USP34: variants seen among roughly 807,000 people sequenced by gnomAD.
The protein encoded by USP34 is ubiquitin specific peptidase 34.
USP34 carries 70 observed loss-of-function variants against 460.3 expected under a neutral mutation model. That is an observed-to-expected ratio of 0.15 (90% CI 0.13 to 0.19). USP34 has a LOEUF of 0.19. Among genes scored for constraint, USP34 ranks in the 10% least tolerant of loss-of-function variants. The pLI, the probability that USP34 is intolerant of heterozygous loss-of-function variation, is 1.00. For synonymous variants in USP34, 1,647 were observed against 1,405.3 expected (o/e 1.17, Z -3.85); for missense variants, 3,985 against 4,236.2 (o/e 0.94, Z 1.65).
At chr2:61,355,751 G>C (rs1692083422) in intron 10 of USP34, among the ~76,000 whole-genome samples, 1 of 152,096 alleles carries the variant, frequency 6.6e-6, no homozygotes, top group Admixed American at 6.5e-5. Flanking sequence ...ACACAAGTTT[G>C]TCCCTCTTTA....
chr2:61,366,088 G>A (rs1010177773), intron 10 of USP34, among the ~76,000 whole-genome samples: 44 of 152,186 alleles, frequency 2.9e-4, no homozygotes, highest in Non-Finnish European at 1.2e-4. Flanking sequence ...GCCATGCCTG[G>A]CTAATTTTTG....
chr2:61,452,363 C>A (rs1200477879), intron 1 of USP34, among the ~76,000 whole-genome samples: 1 of 122,420 alleles, frequency 8.2e-6, no homozygotes, highest in Non-Finnish European at 1.6e-5. Flanking sequence ...CTCACTCTGT[C>A]ACCCAGGCTA....
intron 69 of USP34, 111 bp downstream of exon 69, chr2:61,211,661 G>C (rs1687276171): frequency 8.7e-7 from 1 of 1,155,446 alleles, no homozygotes; most frequent in African/African-American, 1.6e-5. Flanking sequence ...GTTCCAAAGT[G>C]GCTACATGCA....
intron 20 of USP34, among the ~76,000 whole-genome samples, chr2:61,327,054 G>A (rs1265742158): frequency 1.3e-5 from 2 of 151,934 alleles, no homozygotes; most frequent in African/African-American, 2.4e-5. Flanking sequence ...CCAAAGTGCT[G>A]GGATTTCAGG....
At position 61,187,795 on chromosome 2, in the gene USP34, T is replaced by A; in HGVS notation, c.*307A>T. 1 of 809,302 alleles carries A rather than the reference T, an allele frequency of 1.2e-6. No individual in the cohort carries two copies. Among genetic ancestry groups the A allele is most frequent in the Non-Finnish European group, 1.6e-6 (1 of 625,252 alleles). The allele number at this position is 809,302 out of a possible 1,614,324, so 50.1% of individuals were successfully genotyped here. A position where few individuals can be genotyped will look rare whatever the true frequency, so the allele number is the denominator to read the frequency against. On this transcript the variant is annotated 3_prime_UTR_variant, in exon 80 of 80. Coordinates refer to ENST00000398571, the MANE Select transcript of USP34 (RefSeq NM_014709.4). ...CAGTAAAAATGCTGTAAGTTTAAATTACATTGTACAGGGCTAGGCAACCCT... is the reference window on the plus strand; with the variant it reads ...CAGTAAAAATGCTGTAAGTTTAAATAACATTGTACAGGGCTAGGCAACCCT...
chr2:61,419,092 A>T (rs1228472092), intron 2 of USP34, among the ~76,000 whole-genome samples: 1 of 152,222 alleles, frequency 6.6e-6, no homozygotes, highest in African/African-American at 2.4e-5. Flanking sequence ...CCAATGAGGA[A>T]ATGAGAGTTT....
chr2:61,350,319 G>C lies in USP34; in HGVS notation c.1448C>G (p.Ser483Cys). The C allele has an allele frequency of 6.2e-7, 1 of 1,613,442 alleles. No homozygotes were observed. The highest frequency in any genetic ancestry group is 8.5e-7 in the Non-Finnish European group (1 of 1,179,622). ...NNALAAKAQLSKQSSFASLLN... is the reference protein window; with the variant it reads ...NNALAAKAQLCKQSSFASLLN... ...TAAAGATGCAAAAGAACTCTGTTTA[G>C]ATAACTGAGCCTTAGCTGCTAGTGC... The change falls in exon 12 of 80, where the codon TCT (serine) becomes TGT (cysteine). Residue 483 changes from serine to cysteine, a missense_variant. Transcript: ENST00000398571.
chr2:61,301,482 ATT>A, intron 27 of USP34, 28 bp from the exon 28 acceptor site: 1 of 1,591,296 alleles, frequency 6.3e-7, no homozygotes, highest in Non-Finnish European at 8.6e-7. Flanking sequence ...ATGGAAATGA[ATT>A]TGTTTTTAAG....
intron 49 of USP34, 130 bp downstream of exon 49, chr2:61,248,379 TTG>T: frequency 3.6e-6 from 3 of 839,604 alleles, no homozygotes; most frequent in Non-Finnish European, 5.3e-6. Context: ...ATGCATGACA[TTG>T]TCTTAACCTT....
chr2:61,386,766 G>C (rs529040306), intron 5 of USP34, among the ~76,000 whole-genome samples: 1 of 152,202 alleles, frequency 6.6e-6, no homozygotes, highest in South Asian at 2.1e-4. Flanking sequence ...CTCCAGCCTG[G>C]CAACAGAGCG....
In USP34 at chr2:61,210,424, G is replaced by A. The variant is rs959737904; in HGVS notation, c.8840+1348C>T. ...TAGTAACATGCTATACAGATTTAGAGCCTAGGAACAGTTGGCTATACCATA... is the reference window on the plus strand; with the variant it reads ...TAGTAACATGCTATACAGATTTAGAACCTAGGAACAGTTGGCTATACCATA... On this transcript the variant is annotated intron_variant, in intron 69 of 79. Coordinates refer to ENST00000398571, the MANE Select transcript of USP34 (RefSeq NM_014709.4). Among the ~76,000 whole-genome samples, 3 of 152,302 alleles carry A rather than the reference G, an allele frequency of 2.0e-5. No homozygotes were observed. In the East Asian group the frequency reaches 5.8e-4, roughly 29 times the overall value.
chr2:61,258,350 CA>C (rs1688777360), intron 44 of USP34, among the ~76,000 whole-genome samples: 1 of 151,986 alleles, frequency 6.6e-6, no homozygotes, highest in African/African-American at 2.4e-5. Context: ...CAAAAATACA[CA>C]AAGAAGTATG....
At chr2:61,324,067 C>T (rs1285108102) in intron 21 of USP34, among the ~76,000 whole-genome samples, 1 of 152,100 alleles carries the variant, frequency 6.6e-6, no homozygotes, top group Admixed American at 6.5e-5. Flanking sequence ...AGCCATCAGG[C>T]TGACAATATA....
At chr2:61,227,343 C>T in intron 61 of USP34, 125 bp from the exon 62 acceptor site, 2 of 1,056,046 alleles carry the variant, frequency 1.9e-6, no homozygotes, top group Admixed American at 2.7e-5. Context: ...AACAACTGCA[C>T]AAAGACCTAA....
chr2:61,212,956 T>C (rs1264442088), intron 68 of USP34, among the ~76,000 whole-genome samples: 2 of 152,184 alleles, frequency 1.3e-5, no homozygotes, highest in African/African-American at 2.4e-5. Flanking sequence ...GATTGATATT[T>C]TGTATTCTTA....
At chr2:61,401,319 G>C (rs1432793475) in intron 3 of USP34, among the ~76,000 whole-genome samples, 1 of 151,676 alleles carries the variant, frequency 6.6e-6, no homozygotes, top group Non-Finnish European at 1.5e-5. Flanking sequence ...ACTCACTGCA[G>C]CTTTGACCTC....
chr2:61,348,286 T>C lies in USP34; in HGVS notation c.1869A>G (p.Glu623=), dbSNP rs1691833985. The C allele has an allele frequency of 3.1e-6, 5 of 1,614,208 alleles. No homozygotes were observed. The highest frequency in any genetic ancestry group is 4.2e-6 in the Non-Finnish European group (5 of 1,180,038). Residue 623 remains glutamate, a synonymous_variant, in exon 15 of 80, where the codon GAA becomes GAG. Coordinates refer to ENST00000398571, the MANE Select transcript of USP34 (RefSeq NM_014709.4). The part of the protein sequence containing the change: ...DIADIEALKE[E]DEDDDHGHNP... Reference sequence around the variant, plus strand: ...TATGACCATGATCATCGTCTTCATCTTCCTCTTTGAGGGCTTCAATATCTG... The same window carrying C: ...TATGACCATGATCATCGTCTTCATCCTCCTCTTTGAGGGCTTCAATATCTG...
chr2:61,405,564 A>G, intron 3 of USP34, 144 bp downstream of exon 3: 1 of 857,312 alleles, frequency 1.2e-6, no homozygotes, highest in Non-Finnish European at 1.7e-6. Flanking sequence ...TGCTGAAGAA[A>G]TGCTCTGGAG....
intron 29 of USP34, 117 bp from the exon 30 acceptor site, chr2:61,297,042 TG>T: frequency 1.5e-6 from 2 of 1,322,578 alleles, no homozygotes; most frequent in Non-Finnish European, 2.1e-6. Flanking sequence ...CCTCACTTTT[TG>T]AAAAGTGAGA....
Sources: gnomAD v4.1 joint callset for allele counts (sites outside exome capture counted in the v4.1 genomes callset) on GRCh38, gnomAD v4.1.1 for gene constraint, MANE v1.5 for transcripts, NCBI Gene and HGNC (gene_info 2026-07-23, HGNC 2026-07-21) for gene names.